The following SERINC5 variants were observed in gnomAD, a reference collection of about 807,000 sequenced individuals.
The protein encoded by SERINC5 is serine incorporator 5, also known as chromosome 5 open reading frame 12.
SERINC5 carries 41 observed loss-of-function variants against 63.1 expected under a neutral mutation model. The observed-to-expected ratio is 0.65, with a 90% CI of 0.51 to 0.84. SERINC5 has a LOEUF of 0.84. SERINC5 is among the 40% of genes least tolerant of loss of function. The pLI is 0.00. For synonymous variants in SERINC5, 222 were observed against 215.2 expected (o/e 1.03, Z -0.28); for missense variants, 523 against 573.0 (o/e 0.91, Z 0.89).
chr5:80,158,993 C>T (rs1746716855), intron 7 of SERINC5, 31 bp from the exon 8 acceptor site: 9 of 1,611,678 alleles, frequency 5.6e-6, no homozygotes, highest in African/African-American at 5.3e-5. Flanking sequence ...TCATCACAGT[C>T]AAGTACAAAG....
chr5:80,254,033 G>T (rs748699150), intron 1 of SERINC5, among the ~76,000 whole-genome samples: 1 of 152,176 alleles, frequency 6.6e-6, no homozygotes, highest in Non-Finnish European at 1.5e-5. Context: ...GGGTTCAAGC[G>T]ATTCTCCTGC....
At chr5:80,255,482 G>A (rs993246525) in intron 1 of SERINC5, among the ~76,000 whole-genome samples, 2 of 152,184 alleles carry the variant, frequency 1.3e-5, no homozygotes, top group Non-Finnish European at 2.9e-5. Context: ...TCAGGGCATA[G>A]CAAAGGAGAC....
intron 11 of SERINC5, among the ~76,000 whole-genome samples, chr5:80,118,924 C>G (rs1321302334): frequency 6.6e-6 from 1 of 151,888 alleles, no homozygotes. Context: ...ACCCTGGGGG[C>G]TGGGATTTCA....
chr5:80,177,993 A>G lies in SERINC5; in HGVS notation c.267T>C (p.Ser89=), dbSNP rs753028439. 6.2e-7 allele frequency: 1 copy of G among 1,612,768 alleles called. No homozygotes were observed. Among genetic ancestry groups the G allele is most frequent in the South Asian group, 1.1e-5 (1 of 90,790 alleles). Residue 89 remains serine, a synonymous_variant, in exon 3 of 12, where the codon TCT becomes TCC. Transcript: ENST00000507668. ...GDTCEKLVGY[S]AVYRVCFGMA... is the part of the protein sequence containing the mutation. ...TTCCAAAACAGACTCTATACACGGC[A>G]GAATATCCCACCAGCTTCTCACAGG...
chr5:80,168,876 A>G (rs1561388663), intron 6 of SERINC5, among the ~76,000 whole-genome samples: 1 of 152,128 alleles, frequency 6.6e-6, no homozygotes, highest in East Asian at 1.9e-4. Flanking sequence ...CTGCTGGCTG[A>G]GCTGGGATGG....
intron 6 of SERINC5, among the ~76,000 whole-genome samples, chr5:80,168,470 G>C (rs1317248902): frequency 6.6e-6 from 1 of 152,074 alleles, no homozygotes. Context: ...CAAAGTGCTG[G>C]GATTACAGGC....
chr5:80,251,503 G>A (rs1752421034), intron 1 of SERINC5, among the ~76,000 whole-genome samples: 1 of 152,086 alleles, frequency 6.6e-6, no homozygotes, highest in Non-Finnish European at 1.5e-5. Flanking sequence ...GCAGAGGCGG[G>A]CGGGTCACCT....
intron 2 of SERINC5, among the ~76,000 whole-genome samples, chr5:80,199,198 A>T (rs747634470): frequency 3.3e-5 from 5 of 152,020 alleles, no homozygotes; most frequent in African/African-American, 1.2e-4. Context: ...CTCTCTAGTC[A>T]CACAGCCTCG....
intron 2 of SERINC5, among the ~76,000 whole-genome samples, chr5:80,186,126 GA>G (rs10554934): frequency 0.047 from 2,902 of 61,310 alleles, 50 homozygotes; most frequent in African/African-American, 0.067. Flanking sequence ...TTCTTGTTTT[GA>G]AAAAAAAAAA....
At chr5:80,212,617 T>C (rs1354034765) in intron 1 of SERINC5, among the ~76,000 whole-genome samples, 1 of 134,228 alleles carries the variant, frequency 7.5e-6, no homozygotes, top group Admixed American at 8.1e-5. Context: ...TAGCTTCCAC[T>C]GAGCTTAGAC....
intron 2 of SERINC5, among the ~76,000 whole-genome samples, chr5:80,196,434 T>C (rs1749503987): frequency 6.6e-6 from 1 of 152,006 alleles, no homozygotes; most frequent in African/African-American, 2.4e-5. Context: ...ACATTACTGG[T>C]GGGAATGGAA....
intron 2 of SERINC5, among the ~76,000 whole-genome samples, chr5:80,202,215 G>C (rs1749882382): frequency 6.6e-6 from 1 of 151,966 alleles, no homozygotes; most frequent in Admixed American, 6.6e-5. Context: ...TCTAGCCTGG[G>C]TAACAAGAGC....
intron 1 of SERINC5, among the ~76,000 whole-genome samples, chr5:80,252,983 A>C (rs1185029312): frequency 1.3e-5 from 2 of 152,222 alleles, no homozygotes; most frequent in African/African-American, 4.8e-5. Context: ...ATTTCCATTA[A>C]ATTTATAATA....
rs1242753228 is a variant in SERINC5, at chr5:80,140,192, A to ACCT, written c.*3468_*3470dup. Reference sequence around the variant, plus strand: ...AAATCGGCCAGGTGTGATGGGGCAAACCTGTGGTCTCAGCTACTTGGGAGG... The same window carrying ACCT: ...AAATCGGCCAGGTGTGATGGGGCAAACCTCCTGTGGTCTCAGCTACTTGGGAGG... On this transcript the variant is annotated 3_prime_UTR_variant, in exon 12 of 12. Coordinates refer to ENST00000507668, the MANE Select transcript of SERINC5 (RefSeq NM_001174072.3). 1.4e-6 allele frequency: 1 copy of ACCT among 733,602 alleles called. No individual in the cohort carries two copies. Among genetic ancestry groups the ACCT allele is most frequent in the Non-Finnish European group, 1.7e-6 (1 of 601,508 alleles). The allele number at this position is 733,602 out of a possible 1,614,324, so 45.4% of individuals were successfully genotyped here. A position where few individuals can be genotyped will look rare whatever the true frequency, so the allele number is the denominator to read the frequency against.
chr5:80,130,907 C>T (rs1231241153), intron 11 of SERINC5, among the ~76,000 whole-genome samples: 1 of 152,130 alleles, frequency 6.6e-6, no homozygotes, highest in South Asian at 2.1e-4. Context: ...CCACTGAAGA[C>T]AAACTGAAAA....
intron 11 of SERINC5, among the ~76,000 whole-genome samples, chr5:80,121,407 A>G (rs573934032): frequency 6.6e-6 from 1 of 152,222 alleles, no homozygotes; most frequent in East Asian, 1.9e-4. Flanking sequence ...CCTCCCTGAG[A>G]TTGCTGTCCC....
intron 1 of SERINC5, among the ~76,000 whole-genome samples, chr5:80,242,026 G>T (rs1377834185): frequency 6.6e-6 from 1 of 151,906 alleles, no homozygotes; most frequent in Admixed American, 6.6e-5. Flanking sequence ...AGCTCCTTGG[G>T]AAGCTGAGGT....
In SERINC5 at chr5:80,141,432, T is replaced by G; in HGVS notation, c.*2231A>C. 1 of 985,478 alleles carries G rather than the reference T, an allele frequency of 1.0e-6. No homozygotes were observed. Among genetic ancestry groups the G allele is most frequent in the Non-Finnish European group, 1.2e-6 (1 of 829,958 alleles). The allele number at this position is 985,478 out of a possible 1,614,324, so 61.0% of individuals were successfully genotyped here. The stretch of plus-strand genomic sequence containing the variant: ...CGGCCAGCCAAGGAATACAAGGCCT[T>G]GTCAGCTGGACCTTGACTGCGCGTA... On this transcript the variant is annotated 3_prime_UTR_variant, in exon 12 of 12. Transcript: ENST00000507668.
intron 1 of SERINC5, among the ~76,000 whole-genome samples, chr5:80,209,040 C>T (rs4235716): frequency 0.62 from 94,875 of 152,050 alleles, 30,211 homozygotes; most frequent in African/African-American, 0.74. Flanking sequence ...AGCGAGTAGA[C>T]TGCTTGAGGC....
Sources: gnomAD v4.1 joint callset for allele counts (sites outside exome capture counted in the v4.1 genomes callset) on GRCh38, gnomAD v4.1.1 for gene constraint, MANE v1.5 for transcripts, NCBI Gene and HGNC (gene_info 2026-07-23, HGNC 2026-07-21) for gene names.